Variants in PCED1B observed in about 807,000 individuals in gnomAD.
PCED1B encodes PC-esterase domain containing 1B.
For synonymous variants in PCED1B, 251 were observed against 246.1 expected, an observed-to-expected ratio of 1.02 and a Z score of -0.19; for missense variants, 573 against 573.9, an observed-to-expected ratio of 1.00 and a Z score of 0.02.
chr12:47,085,469 A>G (rs190742769), intron 1 of PCED1B, among the ~76,000 whole-genome samples: 1 of 152,302 alleles, frequency 6.6e-6, no homozygotes, highest in Non-Finnish European at 1.5e-5. Context: ...TTCTATTGTG[A>G]TGGGTATCAC....
At position 47,225,460 on chromosome 12, in the gene PCED1B, C is replaced by T. The variant is rs571347260; in HGVS notation, c.-58+8771C>T. Among the ~76,000 whole-genome samples, 30 of 152,250 alleles carry T rather than the reference C, an allele frequency of 2.0e-4. 1 individual carries two copies. The highest frequency in any genetic ancestry group is 4.8e-4 in the African/African-American group (20 of 41,550). ...CACTAAGTTTTCCCAAAGAAAAGTT[C>T]GAATTGTTTGCTTTTCTTTTTTCTT... On this transcript the variant is annotated intron_variant, in intron 3 of 3. Coordinates refer to ENST00000546455, the MANE Select transcript of PCED1B (RefSeq NM_138371.3).
intron 2 of PCED1B, among the ~76,000 whole-genome samples, chr12:47,157,275 T>A (rs1941224283): frequency 6.6e-6 from 1 of 152,208 alleles, no homozygotes. Context: ...AAATTTGGAA[T>A]ATACAGAATT....
At chr12:47,129,496 A>T (rs1940030491) in intron 2 of PCED1B, among the ~76,000 whole-genome samples, 1 of 152,124 alleles carries the variant, frequency 6.6e-6, no homozygotes, top group Admixed American at 6.5e-5. Flanking sequence ...CTCAAAATAA[A>T]ATAAAATAAT....
At chr12:47,102,163 T>A (rs2040673) in intron 1 of PCED1B, among the ~76,000 whole-genome samples, 56,529 of 152,206 alleles carry the variant, frequency 0.37, 11,405 homozygotes, top group Admixed American at 0.52. Context: ...ACCAAAATTA[T>A]ATCTTAACAT....
At chr12:47,193,373 A>G (rs11183786) in intron 2 of PCED1B, among the ~76,000 whole-genome samples, 2,770 of 152,240 alleles carry the variant, frequency 0.018, 100 homozygotes, top group East Asian at 0.15. Context: ...ACCATTCTTT[A>G]TAATAATTCC....
intron 2 of PCED1B, among the ~76,000 whole-genome samples, chr12:47,164,321 G>A (rs988136821): frequency 4.6e-5 from 7 of 152,300 alleles, no homozygotes; most frequent in African/African-American, 1.7e-4. Flanking sequence ...TGGTGAGACA[G>A]ACATTGGGTA....
At chr12:47,206,143 G>A (rs1035147867) in intron 2 of PCED1B, 1 of 152,152 alleles carries the variant, frequency 6.6e-6, no homozygotes, top group Non-Finnish European at 1.5e-5. Flanking sequence ...TCACATGCAG[G>A]GTCTGCAAAA....
At chr12:47,214,968 C>A (rs1158468098) in intron 2 of PCED1B, among the ~76,000 whole-genome samples, 2 of 152,036 alleles carry the variant, frequency 1.3e-5, no homozygotes, top group Non-Finnish European at 1.5e-5. Flanking sequence ...CTTGCTGCAA[C>A]CTACGCCTCC....
intron 3 of PCED1B, among the ~76,000 whole-genome samples, chr12:47,221,715 A>G (rs1426343686): frequency 6.6e-6 from 1 of 152,192 alleles, no homozygotes; most frequent in Non-Finnish European, 1.5e-5. Context: ...GGTCAATGCA[A>G]TATTTACATT....
At chr12:47,081,056 T>C (rs1290239978) in intron 1 of PCED1B, among the ~76,000 whole-genome samples, 1 of 152,236 alleles carries the variant, frequency 6.6e-6, no homozygotes, top group Non-Finnish European at 1.5e-5. Flanking sequence ...ATGAGGCTGA[T>C]GAGCTCTACG....
intron 2 of PCED1B, among the ~76,000 whole-genome samples, chr12:47,196,657 G>A (rs917514260): frequency 2.0e-5 from 3 of 151,828 alleles, no homozygotes; most frequent in Non-Finnish European, 2.9e-5. Flanking sequence ...GTAAAACCCC[G>A]TCTCTACTAA....
At chr12:47,096,007 C>T (rs1444099961) in intron 1 of PCED1B, among the ~76,000 whole-genome samples, 1 of 151,970 alleles carries the variant, frequency 6.6e-6, no homozygotes, top group Admixed American at 6.5e-5. Context: ...TATTTAATGA[C>T]TCAGTTTAAG....
intron 1 of PCED1B, among the ~76,000 whole-genome samples, chr12:47,086,219 C>A (rs1246974863): frequency 6.6e-6 from 1 of 152,116 alleles, no homozygotes; most frequent in African/African-American, 2.4e-5. Context: ...TCCCCGATGG[C>A]ACATTCTTAG....
intron 3 of PCED1B, among the ~76,000 whole-genome samples, chr12:47,218,761 C>T (rs1943382725): frequency 6.6e-6 from 1 of 151,300 alleles, no homozygotes; most frequent in African/African-American, 2.4e-5. Context: ...CCTCCTTGGC[C>T]TCCCAAAGTG....
At chr12:47,211,370 G>A (rs1370926341) in intron 2 of PCED1B, among the ~76,000 whole-genome samples, 1 of 152,106 alleles carries the variant, frequency 6.6e-6, no homozygotes, top group Non-Finnish European at 1.5e-5. Flanking sequence ...ACAACCTTAT[G>A]GCCAGGTGCG....
intron 2 of PCED1B, chr12:47,205,872 A>G (rs1942896474): frequency 6.6e-6 from 1 of 152,180 alleles, no homozygotes; most frequent in Non-Finnish European, 1.5e-5. Context: ...GGAATAGAGA[A>G]AGAGTAATTC....
rs1361516961 is a variant in PCED1B at position 47,217,587 on chromosome 12, G to GT, written c.-58+905dup. Among the ~76,000 whole-genome samples the GT allele has an allele frequency of 4.6e-5, 7 of 151,898 alleles. No homozygotes were observed. In the South Asian group the frequency reaches 6.2e-4, roughly 14 times the overall value. On this transcript the variant is annotated intron_variant, in intron 3 of 3. Coordinates refer to ENST00000546455, the MANE Select transcript of PCED1B (RefSeq NM_138371.3). Reference sequence around the variant, plus strand: ...AATTTCTTAGGTTGTTTTTGTTTTTGTTTTTTTGTGATGGAGTCTCACTCT... The same window carrying GT: ...AATTTCTTAGGTTGTTTTTGTTTTTGTTTTTTTTGTGATGGAGTCTCACTCT...
At chr12:47,103,195 A>G (rs921483382) in intron 1 of PCED1B, among the ~76,000 whole-genome samples, 3 of 152,236 alleles carry the variant, frequency 2.0e-5, no homozygotes, top group African/African-American at 7.2e-5. Context: ...GGAGTTATTA[A>G]TAGTGATGCA....
intron 3 of PCED1B, among the ~76,000 whole-genome samples, chr12:47,232,811 G>C (rs1943848232): frequency 6.6e-6 from 1 of 152,098 alleles, no homozygotes; most frequent in East Asian, 1.9e-4. Context: ...GGGGCGTATA[G>C]ATTAAACTAA....
Sources: gnomAD v4.1 joint callset for allele counts (sites outside exome capture counted in the v4.1 genomes callset) on GRCh38, gnomAD v4.1.1 for gene constraint, MANE v1.5 for transcripts, NCBI Gene and HGNC (gene_info 2026-07-23, HGNC 2026-07-21) for gene names.